The following ROBO1 variants were observed in gnomAD, a reference collection of about 807,000 sequenced individuals.
The protein encoded by ROBO1 is roundabout homolog 1.
In ROBO1, 149 loss-of-function variants were observed where a neutral mutation model predicts 195.9. The ratio of observed to expected loss-of-function variants is 0.76; its 90% CI spans 0.67 to 0.87. The LOEUF is 0.87. Ranked by LOEUF, ROBO1 falls within the 40% of genes least tolerant of loss-of-function variation. The pLI, the probability that ROBO1 is intolerant of heterozygous loss-of-function variation, is 0.00. For synonymous variants in ROBO1, 816 were observed against 733.2 expected, an observed-to-expected ratio of 1.11 and a Z score of -1.82; for missense variants, 1,933 against 2,068.3, an observed-to-expected ratio of 0.93 and a Z score of 1.27.
At chr3:78,800,502 T>C (rs1202626480) in intron 4 of ROBO1, among the ~76,000 whole-genome samples, 2 of 152,242 alleles carry the variant, frequency 1.3e-5, no homozygotes, top group East Asian at 3.9e-4. Context: ...ATACTAAAAA[T>C]AATACTATCC....
intron 10 of ROBO1, among the ~76,000 whole-genome samples, chr3:78,681,983 T>C (rs923853470): frequency 6.6e-5 from 10 of 152,158 alleles, no homozygotes; most frequent in African/African-American, 2.4e-4. Flanking sequence ...TGGAGGCAGA[T>C]AATGAATGGT....
rs533290970 is a variant in ROBO1 at position 79,628,425 on chromosome 3, T to C, written c.-50-38464A>G. 4.0e-3 allele frequency among the ~76,000 whole-genome samples: 603 copies of C among 151,970 alleles called. 5 individuals carry two copies. The highest frequency in any genetic ancestry group is 0.014 in the African/African-American group (571 of 41,452). Reference sequence around the variant, plus strand: ...GCATGTTCTCACTCATAAGTGGAAGTTGAACAATGAGAACACAAGGACACA... The same window carrying C: ...GCATGTTCTCACTCATAAGTGGAAGCTGAACAATGAGAACACAAGGACACA... On this transcript the variant is annotated intron_variant, in intron 1 of 30. Transcript: ENST00000464233.
At chr3:79,697,971 A>C (rs1316626482) in intron 1 of ROBO1, among the ~76,000 whole-genome samples, 1 of 151,564 alleles carries the variant, frequency 6.6e-6, no homozygotes, top group East Asian at 1.9e-4. Flanking sequence ...CATAAATTAA[A>C]AAATGTTAGA....
At chr3:79,529,650 T>C (rs1488108082) in intron 2 of ROBO1, among the ~76,000 whole-genome samples, 1 of 152,202 alleles carries the variant, frequency 6.6e-6, no homozygotes, top group East Asian at 1.9e-4. Flanking sequence ...AGTGGTAGTG[T>C]ACACACACTG....
chr3:78,726,788 T>A (rs906125039), intron 5 of ROBO1, among the ~76,000 whole-genome samples: 1 of 152,110 alleles, frequency 6.6e-6, no homozygotes, highest in African/African-American at 2.4e-5. Flanking sequence ...TCAGCTGCAG[T>A]ACAGTTTTAG....
Position 78,808,749 on chromosome 3 carries a change from C to T in ROBO1, c.500-61849G>A, listed in dbSNP as rs535315049. The stretch of plus-strand genomic sequence containing the variant: ...CTGACAAAAACAAGCAATGGGGAAA[C>T]GATTCCCTATATAATAAATGGTGTT... On this transcript the variant is annotated intron_variant, in intron 4 of 30. Transcript: ENST00000464233. 4.6e-5 allele frequency among the ~76,000 whole-genome samples: 7 copies of T among 152,012 alleles called. No individual in the cohort carries two copies. In the South Asian group the frequency reaches 6.2e-4, roughly 13 times the overall value.
intron 2 of ROBO1, among the ~76,000 whole-genome samples, chr3:79,456,910 C>T (rs976079072): frequency 6.6e-6 from 1 of 152,044 alleles, no homozygotes; most frequent in African/African-American, 2.4e-5. Flanking sequence ...TTCTAGATAA[C>T]CTTTTGCTAT....
chr3:78,661,623 G>C (rs1707411949), intron 15 of ROBO1, among the ~76,000 whole-genome samples: 1 of 152,098 alleles, frequency 6.6e-6, no homozygotes, highest in Admixed American at 6.5e-5. Flanking sequence ...TGGGTCAAGG[G>C]GATGAGAAGC....
At chr3:79,507,285 C>A (rs1940451224) in intron 2 of ROBO1, among the ~76,000 whole-genome samples, 1 of 152,182 alleles carries the variant, frequency 6.6e-6, no homozygotes, top group East Asian at 1.9e-4. Flanking sequence ...AAGGTGTCTA[C>A]ACACTCTGAG....
At chr3:79,403,727 C>T (rs2037447321) in intron 2 of ROBO1, among the ~76,000 whole-genome samples, 1 of 151,798 alleles carries the variant, frequency 6.6e-6, no homozygotes, top group Non-Finnish European at 1.5e-5. Flanking sequence ...TGTTGGATTA[C>T]ATGAGTATCG....
At chr3:79,499,893 G>A (rs1342140992) in intron 2 of ROBO1, among the ~76,000 whole-genome samples, 1 of 152,024 alleles carries the variant, frequency 6.6e-6, no homozygotes, top group Non-Finnish European at 1.5e-5. Flanking sequence ...TGCAACCTCC[G>A]CCTCCCTGGT....
chr3:79,096,732 A>G (rs1012719098), intron 3 of ROBO1, among the ~76,000 whole-genome samples: 5 of 150,626 alleles, frequency 3.3e-5, no homozygotes, highest in Middle Eastern at 3.5e-3. Flanking sequence ...ATAAATATGT[A>G]TATATGTGTG....
At chr3:79,464,888 C>T (rs1937872383) in intron 2 of ROBO1, among the ~76,000 whole-genome samples, 1 of 152,136 alleles carries the variant, frequency 6.6e-6, no homozygotes, top group South Asian at 2.1e-4. Flanking sequence ...TCCAATCTTC[C>T]AGCAGCTCTT....
At chr3:78,863,643 T>C (rs1056470241) in intron 4 of ROBO1, among the ~76,000 whole-genome samples, 7 of 152,208 alleles carry the variant, frequency 4.6e-5, no homozygotes, top group Non-Finnish European at 1.0e-4. Context: ...ATTCTTTGAA[T>C]CTGAAATTTC....
chr3:78,674,867 G>A (rs532402490), intron 10 of ROBO1, among the ~76,000 whole-genome samples: 13 of 151,980 alleles, frequency 8.6e-5, no homozygotes, highest in Non-Finnish European at 1.0e-4. Context: ...TTACAAAGTT[G>A]CAATTATTAA....
At chr3:78,666,491 G>A (rs530262556) in intron 14 of ROBO1, among the ~76,000 whole-genome samples, 2 of 152,286 alleles carry the variant, frequency 1.3e-5, no homozygotes, top group South Asian at 4.2e-4. Context: ...GGAGACCACT[G>A]TACTGGGGAC....
intron 2 of ROBO1, among the ~76,000 whole-genome samples, chr3:79,323,722 C>A (rs538982798): frequency 2.6e-5 from 4 of 152,238 alleles, no homozygotes; most frequent in African/African-American, 9.6e-5. Flanking sequence ...TAAATTTATT[C>A]TTTATCACTA....
chr3:78,992,834 G>A (rs1213273584), intron 3 of ROBO1, among the ~76,000 whole-genome samples: 3 of 152,156 alleles, frequency 2.0e-5, no homozygotes, highest in African/African-American at 7.2e-5. Flanking sequence ...TACACCTAGT[G>A]TTTTCCAGAG....
chr3:78,728,197 A>C (rs2082207799), intron 5 of ROBO1, among the ~76,000 whole-genome samples: 2 of 152,072 alleles, frequency 1.3e-5, no homozygotes, highest in African/African-American at 4.8e-5. Flanking sequence ...AGAGAGAGAA[A>C]GGGGAAGGAG....
Sources: gnomAD v4.1 joint callset for allele counts (sites outside exome capture counted in the v4.1 genomes callset) on GRCh38, gnomAD v4.1.1 for gene constraint, MANE v1.5 for transcripts, NCBI Gene and HGNC (gene_info 2026-07-23, HGNC 2026-07-21) for gene names.